The following GARNL3 variants were observed in gnomAD, a reference collection of about 807,000 sequenced individuals.
The protein encoded by GARNL3 is GTPase activating Rap/RanGAP domain like 3, also known as GTPase-activating Rap/Ran-GAP domain-like protein 3.
A neutral mutation model predicts 125.0 loss-of-function variants in GARNL3; 63 were observed. The ratio of observed to expected loss-of-function variants is 0.50; its 90% CI spans 0.41 to 0.62. GARNL3 has a LOEUF of 0.62. GARNL3 is among the 20% of genes least tolerant of loss of function. The probability of loss-of-function intolerance (pLI) is 0.00; values close to 1 mark genes in which losing one functional copy is unlikely to be tolerated. For synonymous variants in GARNL3, 439 were observed against 457.5 expected (o/e 0.96, Z 0.52); for missense variants, 994 against 1,244.0 (o/e 0.80, Z 3.02).
chr9:127,351,919 T>A (rs1449881156), intron 17 of GARNL3, among the ~76,000 whole-genome samples: 4 of 152,228 alleles, frequency 2.6e-5, no homozygotes, highest in Admixed American at 6.5e-5. Flanking sequence ...CTCTGTCAGG[T>A]CCTTGCCTCC....
At chr9:127,236,937 A>G (rs2063123368) in intron 1 of GARNL3, among the ~76,000 whole-genome samples, 2 of 152,230 alleles carry the variant, frequency 1.3e-5, no homozygotes, top group African/African-American at 4.8e-5. Flanking sequence ...GCACAGGGTC[A>G]TTTAAACTGT....
At chr9:127,248,160 T>G (rs2063335534) in intron 2 of GARNL3, among the ~76,000 whole-genome samples, 1 of 152,238 alleles carries the variant, frequency 6.6e-6, no homozygotes, top group Non-Finnish European at 1.5e-5. Context: ...TTAGGAGGAA[T>G]TCTATTCCCC....
At chr9:127,347,299 A>G (rs1427362445) in intron 16 of GARNL3, among the ~76,000 whole-genome samples, 1 of 152,074 alleles carries the variant, frequency 6.6e-6, no homozygotes, top group Admixed American at 6.5e-5. Context: ...GCTCATGCCT[A>G]TGGTCCCAAC....
chr9:127,252,437 A>G (rs952356593), intron 2 of GARNL3, among the ~76,000 whole-genome samples: 6 of 152,238 alleles, frequency 3.9e-5, no homozygotes, highest in African/African-American at 7.2e-5. Flanking sequence ...GGACACCACA[A>G]TAAGTGCTTC....
chr9:127,317,755 G>A (rs1271514014), intron 4 of GARNL3, among the ~76,000 whole-genome samples: 3 of 151,034 alleles, frequency 2.0e-5, no homozygotes, highest in East Asian at 2.0e-4. Flanking sequence ...CAACAACAAC[G>A]AAAAAACAAA....
rs1368217721 is a variant in GARNL3 at position 127,338,165 on chromosome 9, G to A, written c.1028+4G>A. 13 of 1,602,332 alleles carry A rather than the reference G, an allele frequency of 8.1e-6. No individual in the cohort carries two copies. In the East Asian group the frequency reaches 2.0e-4, roughly 25 times the overall value. On this transcript the variant is annotated splice_donor_region_variant and intron_variant, in intron 12 of 27. Coordinates refer to ENST00000373387, the MANE Select transcript of GARNL3 (RefSeq NM_032293.5). Reference sequence around the variant, plus strand: ...ATCAACAAAATGACAATTACAGGTAGGTAATGACTTTGTCTCGATTGCTTG... The same window carrying A: ...ATCAACAAAATGACAATTACAGGTAAGTAATGACTTTGTCTCGATTGCTTG...
At chr9:127,388,746 A>G (rs767167834) in intron 25 of GARNL3, 158 bp from the exon 26 acceptor site, 15 of 612,928 alleles carry the variant, frequency 2.4e-5, no homozygotes, top group Non-Finnish European at 4.1e-5. Flanking sequence ...GCACCCTCAA[A>G]TCAGTGCTCC....
In GARNL3 at chr9:127,258,291, A is replaced by G. The variant is rs147933271; in HGVS notation, c.144-6661A>G. ...TTGGAAATCTTTCTGCTTATTTCCT[A>G]CTTCGTATGTCTCAAAGGTCTTCAA... is the stretch of plus-strand genomic sequence containing the variant. On this transcript the variant is annotated intron_variant, in intron 2 of 10. Transcript: ENST00000439286. 4.1e-4 allele frequency among the ~76,000 whole-genome samples: 62 copies of G among 152,234 alleles called. No homozygotes were observed. The East Asian group carries it at 0.011, about 26-fold the overall frequency.
chr9:127,303,002 T>A (rs879875951), intron 2 of GARNL3, among the ~76,000 whole-genome samples: 25 of 151,950 alleles, frequency 1.6e-4, no homozygotes, highest in Non-Finnish European at 3.2e-4. Context: ...ATAGAAAAAA[T>A]TAGCCAGGCG....
intron 7 of GARNL3, among the ~76,000 whole-genome samples, chr9:127,329,021 G>C (rs553830851): frequency 6.6e-6 from 1 of 152,292 alleles, no homozygotes; most frequent in Non-Finnish European, 1.5e-5. Flanking sequence ...AGCTCTGAAT[G>C]GCTGGTTAAA....
chr9:127,286,640 C>G (rs1408349505), intron 1 of GARNL3, among the ~76,000 whole-genome samples: 1 of 152,204 alleles, frequency 6.6e-6, no homozygotes, highest in African/African-American at 2.4e-5. Flanking sequence ...CACTTTTCAT[C>G]TGAAAGCTGA....
At chr9:127,350,674 G>T (rs1264344640) in intron 17 of GARNL3, among the ~76,000 whole-genome samples, 1 of 151,940 alleles carries the variant, frequency 6.6e-6, no homozygotes, top group Admixed American at 6.6e-5. Flanking sequence ...TGCTCAGGAG[G>T]CTGAAGCAGG....
chr9:127,339,222 G>A (rs1034674618), intron 12 of GARNL3, among the ~76,000 whole-genome samples: 25 of 151,972 alleles, frequency 1.6e-4, no homozygotes, highest in Non-Finnish European at 3.1e-4. Flanking sequence ...GTGTGAACCC[G>A]GGAGGCGGAG....
chr9:127,373,130 A>G (rs1387768186), intron 22 of GARNL3, among the ~76,000 whole-genome samples: 1 of 152,230 alleles, frequency 6.6e-6, no homozygotes, highest in Non-Finnish European at 1.5e-5. Flanking sequence ...TTGGGAAGCT[A>G]AATCCTAGGA....
intron 22 of GARNL3, among the ~76,000 whole-genome samples, chr9:127,381,895 G>A (rs1024486078): frequency 5.3e-5 from 8 of 152,008 alleles, no homozygotes; most frequent in African/African-American, 1.9e-4. Context: ...GTGAGCCACT[G>A]CACCTGGCCG....
chr9:127,225,685 C>T (rs1564831550), intron 1 of GARNL3, among the ~76,000 whole-genome samples: 1 of 149,788 alleles, frequency 6.7e-6, no homozygotes, highest in Non-Finnish European at 1.5e-5. Context: ...GAGAATGTGC[C>T]CTGCCCACCT....
intron 12 of GARNL3, 68 bp from the exon 13 acceptor site, chr9:127,339,577 G>A (rs1056646990): frequency 7.1e-6 from 8 of 1,122,142 alleles, no homozygotes; most frequent in African/African-American, 3.1e-5. Context: ...TTCAAGTGGC[G>A]ATTTGGGTGG....
chr9:127,290,818 C>A (rs2064392451), intron 1 of GARNL3, among the ~76,000 whole-genome samples: 2 of 152,236 alleles, frequency 1.3e-5, no homozygotes, highest in Admixed American at 6.5e-5. Flanking sequence ...GGAGGCTGAA[C>A]TTGAGAGTTG....
At position 127,385,417 on chromosome 9, in the gene GARNL3, C is replaced by T. The variant is rs940736769; in HGVS notation, c.2388+272C>T. 6.6e-6 allele frequency among the ~76,000 whole-genome samples: 1 copy of T among 152,136 alleles called. No individual in the cohort carries two copies. Among genetic ancestry groups the T allele is most frequent in the African/African-American group, 2.4e-5 (1 of 41,420 alleles). ...AGCACTTAGCTGAAAAGAGATATCCCCGCTCAGAGACTGGGTCAGTTATTC... is the reference window on the plus strand; with the variant it reads ...AGCACTTAGCTGAAAAGAGATATCCTCGCTCAGAGACTGGGTCAGTTATTC... On this transcript the variant is annotated intron_variant, in intron 24 of 27. Transcript: ENST00000373387. This position sits in a 1 kb window ranked among gnomAD's most constrained non-coding sequence, Gnocchi z 4.1.
Sources: allele counts gnomAD v4.1 joint callset (sites outside exome capture counted in the v4.1 genomes callset), GRCh38; gene constraint gnomAD v4.1.1; non-coding constraint Gnocchi (gnomAD v3.1); transcripts MANE v1.5; gene names NCBI Gene and HGNC (gene_info 2026-07-23, HGNC 2026-07-21).